The following RBFA variants were observed in gnomAD, a reference collection of about 807,000 sequenced individuals.
The protein encoded by RBFA is putative ribosome-binding factor A, mitochondrial.
In RBFA, 16 loss-of-function variants were observed where a neutral mutation model predicts 27.9. The observed-to-expected ratio is 0.57, with a 90% CI of 0.39 to 0.87. The LOEUF (loss-of-function observed/expected upper bound fraction) is 0.87, where lower values mean the gene tolerates loss of function less well. Ranked by LOEUF, RBFA falls within the 40% of genes least tolerant of loss-of-function variation. The pLI is 0.00. For missense variants in RBFA, 456 were observed against 432.1 expected (o/e 1.06, Z -0.49); for synonymous variants, 181 against 181.0 (o/e 1.00, Z 0.00).
At chr18:80,038,383 A>G (rs879391169) in intron 3 of RBFA, 122 bp from the exon 4 acceptor site, 2 of 670,706 alleles carry the variant, frequency 3.0e-6, no homozygotes, top group Non-Finnish European at 5.1e-6. Flanking sequence ...CTCCAGCAGC[A>G]TGCCAGAGCC....
At chr18:80,044,985 G>A (rs923413749) in intron 6 of RBFA, among the ~76,000 whole-genome samples, 8 of 152,260 alleles carry the variant, frequency 5.3e-5, no homozygotes, top group African/African-American at 1.9e-4. Context: ...TGGCCTGACC[G>A]TGTCAGCAAG....
chr18:80,036,398 G>A (rs1339722472), intron 1 of RBFA, among the ~76,000 whole-genome samples: 1 of 152,174 alleles, frequency 6.6e-6, no homozygotes, highest in Admixed American at 6.5e-5. Flanking sequence ...GTGCAGTTTG[G>A]TAGGTGTCTT....
chr18:80,037,121 C>T (rs2051984626), intron 2 of RBFA: 3 of 487,252 alleles, frequency 6.2e-6, no homozygotes. Context: ...TATTTACTGG[C>T]AGTACTTTTA....
intron 5 of RBFA, among the ~76,000 whole-genome samples, chr18:80,043,259 AG>A (rs2052028741): frequency 6.6e-6 from 1 of 152,252 alleles, no homozygotes; most frequent in African/African-American, 2.4e-5. Context: ...TGTTCAGTAT[AG>A]GACCAGACAG....
intron 6 of RBFA, among the ~76,000 whole-genome samples, chr18:80,045,013 C>T (rs543820385): frequency 7.9e-5 from 12 of 152,340 alleles, no homozygotes; most frequent in Non-Finnish European, 1.5e-4. Flanking sequence ...GTGGGGGCGG[C>T]AGGGCAGGGA....
chr18:80,044,948 A>T (rs1483177610), intron 6 of RBFA, among the ~76,000 whole-genome samples: 1 of 152,192 alleles, frequency 6.6e-6, no homozygotes, highest in Non-Finnish European at 1.5e-5. Context: ...CCTGAGCTGG[A>T]AGCAAAGCTC....
chr18:80,037,601 C>T (rs925227644), intron 3 of RBFA, 95 bp downstream of exon 3: 26 of 1,212,422 alleles, frequency 2.1e-5, no homozygotes, highest in African/African-American at 9.2e-5. Context: ...TAAAAAAAGA[C>T]GCTTTAGACT....
intron 5 of RBFA, 132 bp from the exon 6 acceptor site, chr18:80,044,080 G>C: frequency 1.3e-6 from 1 of 775,664 alleles, no homozygotes; most frequent in South Asian, 1.4e-5. Context: ...TTTGGGAAGA[G>C]TCGGTGGAAG....
At chr18:80,040,005 G>T (rs1343278176) in intron 4 of RBFA, among the ~76,000 whole-genome samples, 1 of 152,086 alleles carries the variant, frequency 6.6e-6, no homozygotes, top group Non-Finnish European at 1.5e-5. Context: ...TGCCTCCCGG[G>T]TTCAAGTGAT....
Position 80,049,259 on chromosome 18 carries a change from A to G in RBFA, c.*3104A>G, listed in dbSNP as rs1337316753. On this transcript the variant is annotated 3_prime_UTR_variant, in exon 7 of 7. Coordinates refer to ENST00000306735, the MANE Select transcript of RBFA (RefSeq NM_024805.3). ...CCTTCCCTGGGAGCGGGTTAGGGAC[A>G]TGGAAGCTCACCCTCTTCTGAATGG... 6.6e-6 allele frequency among the ~76,000 whole-genome samples: 1 copy of G among 151,648 alleles called. No individual in the cohort carries two copies. Among genetic ancestry groups the G allele is most frequent in the Non-Finnish European group, 1.5e-5 (1 of 67,950 alleles).
Position 80,046,111 on chromosome 18 carries a change from G to T in RBFA, c.988G>T (p.Gly330Cys), listed in dbSNP as rs1305451695. 1.9e-6 allele frequency: 3 copies of T among 1,614,008 alleles called. No individual in the cohort carries two copies. Among genetic ancestry groups the T allele is most frequent in the Non-Finnish European group, 2.5e-6 (3 of 1,180,028 alleles). The change falls in exon 7 of 7, where the codon GGC becomes TGC. Residue 330 changes from glycine to cysteine, a missense_variant. By Grantham distance (159) the Gly-to-Cys change is radical (BLOSUM62 -3). Coordinates refer to ENST00000306735, the MANE Select transcript of RBFA (RefSeq NM_024805.3). ...GGAGTTGGAGGCAGAGAGAGGAGGTGGCAGAACAGAGGATGGCCACAGCTG... is the reference window on the plus strand; with the variant it reads ...GGAGTTGGAGGCAGAGAGAGGAGGTTGCAGAACAGAGGATGGCCACAGCTG... ...TEELEAERGG[G>C]RTEDGHSCGA...
intron 5 of RBFA, among the ~76,000 whole-genome samples, chr18:80,042,947 A>G (rs1014123717): frequency 2.6e-5 from 4 of 152,134 alleles, no homozygotes; most frequent in Admixed American, 6.5e-5. Flanking sequence ...TAACTAGGGT[A>G]TGAACTCAAC....
chr18:80,038,548 A>G lies in RBFA; in HGVS notation c.422A>G (p.Lys141Arg), dbSNP rs1375022345. Reference protein sequence around the residue: ...PDFSACRAYWKTTLSAEQNAH... With the variant: ...PDFSACRAYWRTTLSAEQNAH... ...TTCTCAGCCTGCCGAGCGTACTGGAAGACAACGCTCTCTGCTGAGCAGAAC... is the reference window on the plus strand; with the variant it reads ...TTCTCAGCCTGCCGAGCGTACTGGAGGACAACGCTCTCTGCTGAGCAGAAC... Residue 141 changes from lysine (K) to arginine (R), a missense_variant, in exon 4 of 7, where the codon AAG becomes AGG. Transcript: ENST00000306735. The G allele has an allele frequency of 6.2e-7, 1 of 1,614,038 alleles. No individual in the cohort carries two copies. The highest frequency in any genetic ancestry group is 8.5e-7 in the Non-Finnish European group (1 of 1,179,910).
chr18:80,040,378 A>G (rs2052008830), intron 4 of RBFA, among the ~76,000 whole-genome samples: 1 of 151,546 alleles, frequency 6.6e-6, no homozygotes, highest in Non-Finnish European at 1.5e-5. Flanking sequence ...CTTCCCATAC[A>G]GCTGGAAGCA....
intron 6 of RBFA, 151 bp from the exon 7 acceptor site, chr18:80,045,623 C>T (rs901022664): frequency 1.1e-6 from 1 of 923,448 alleles, no homozygotes; most frequent in Non-Finnish European, 1.5e-6. Context: ...CCTTCCTTCA[C>T]TCCTGTCTCC....
Position 80,049,197 on chromosome 18 carries a change from C to A in RBFA, c.*3042C>A, listed in dbSNP as rs2052079448. Among the ~76,000 whole-genome samples the A allele has an allele frequency of 2.0e-5, 3 of 151,766 alleles. No individual in the cohort carries two copies. The highest frequency in any genetic ancestry group is 7.3e-5 in the African/African-American group (3 of 41,268). ...CGGGTTAGGGACACGGAAGCTCACC[C>A]CCTTCTGAATGGGTCCACTCCTGGG... On this transcript the variant is annotated 3_prime_UTR_variant, in exon 7 of 7. Transcript: ENST00000306735.
rs1307761359 is a variant in RBFA at position 80,049,304 on chromosome 18, C to T, written c.*3149C>T. 2.0e-5 allele frequency among the ~76,000 whole-genome samples: 3 copies of T among 151,926 alleles called. No homozygotes were observed. The highest frequency in any genetic ancestry group is 2.9e-5 in the Non-Finnish European group (2 of 67,978). ...GAATGGGTCCACTCCTGGGGATTTC[C>T]ACGGCCTTTCCTGGGAGCAGGTTAG... On this transcript the variant is annotated 3_prime_UTR_variant, in exon 7 of 7. Transcript: ENST00000306735.
chr18:80,038,475 A>C (rs1485187153), intron 3 of RBFA, 30 bp from the exon 4 acceptor site: 3 of 1,495,200 alleles, frequency 2.0e-6, no homozygotes, highest in Non-Finnish European at 2.8e-6. Context: ...TGTAAGCTAA[A>C]AAGTGACCTG....
In RBFA at chr18:80,049,497, A is replaced by G. The variant is rs957442480; in HGVS notation, c.*3342A>G. On this transcript the variant is annotated 3_prime_UTR_variant, in exon 7 of 7. Transcript: ENST00000306735. ...CTGATCCAGTGAAGTCCTCAGATCA[A>G]CCTTGTGAGCTTTTTACAAGTACCT... Among the ~76,000 whole-genome samples the G allele has an allele frequency of 6.6e-6, 1 of 152,236 alleles. No individual in the cohort carries two copies. The highest frequency in any genetic ancestry group is 2.4e-5 in the African/African-American group (1 of 41,468).
Sources: allele counts gnomAD v4.1 joint callset (sites outside exome capture counted in the v4.1 genomes callset), GRCh38; gene constraint gnomAD v4.1.1; transcripts MANE v1.5; gene names NCBI Gene and HGNC (gene_info 2026-07-23, HGNC 2026-07-21).